Variants in MBD5 observed in about 807,000 individuals in gnomAD.
MBD5 encodes methyl-CpG binding domain protein 5.
A neutral mutation model predicts 117.3 loss-of-function variants in MBD5; 13 were observed. The observed-to-expected ratio is 0.11, with a 90% confidence interval of 0.07 to 0.18. MBD5 has a LOEUF of 0.18. Ranked by LOEUF, MBD5 falls within the 10% of genes least tolerant of loss-of-function variation. MBD5 has a pLI of 1.00. For synonymous variants in MBD5, 727 were observed against 766.4 expected (o/e 0.95, Z 0.85); for missense variants, 1,879 against 2,093.8 (o/e 0.90, Z 2.00).
chr2:148,436,176 G>A (rs1706152678), intron 4 of MBD5, among the ~76,000 whole-genome samples: 1 of 152,090 alleles, frequency 6.6e-6, no homozygotes, highest in Non-Finnish European at 1.5e-5. Context: ...GCCTGTTCTA[G>A]GAAGATTGAC....
At chr2:148,372,225 T>C (rs946229605) in intron 4 of MBD5, among the ~76,000 whole-genome samples, 1 of 152,156 alleles carries the variant, frequency 6.6e-6, no homozygotes, top group Non-Finnish European at 1.5e-5. Flanking sequence ...ACAGCAGTTT[T>C]AATAACATTA....
intron 2 of MBD5, among the ~76,000 whole-genome samples, chr2:148,206,106 A>G (rs1415701817): frequency 1.3e-5 from 2 of 151,926 alleles, no homozygotes; most frequent in Non-Finnish European, 2.9e-5. Context: ...TTGTGCAACA[A>G]GAGTGAGACC....
rs962275767 is a variant in MBD5, at chr2:148,260,689, C to T, written c.-680+27294C>T. Reference sequence around the variant, plus strand: ...GATGGGCACCACCAACCAGATGCTGCTCTACCCAGGTCAGAGATAATGAAT... The same window carrying T: ...GATGGGCACCACCAACCAGATGCTGTTCTACCCAGGTCAGAGATAATGAAT... On this transcript the variant is annotated intron_variant, in intron 3 of 13. Coordinates refer to ENST00000642680, the MANE Select transcript of MBD5 (RefSeq NM_001378120.1). 3 of 209,214 alleles carry T rather than the reference C, an allele frequency of 1.4e-5. No individual in the cohort carries two copies. The East Asian group carries it at 3.4e-4, about 23-fold the overall frequency. 13.0% of individuals were successfully genotyped at this position (209,214 alleles called of 1,614,324 possible). A position where few individuals can be genotyped will look rare whatever the true frequency, so the allele number is the denominator to read the frequency against.
chr2:148,217,608 C>T (rs1176668287), intron 2 of MBD5, among the ~76,000 whole-genome samples: 2 of 152,096 alleles, frequency 1.3e-5, no homozygotes. Context: ...TTGTTGTTGC[C>T]ATTTCATATG....
chr2:148,100,873 G>A (rs186469001), intron 1 of MBD5, among the ~76,000 whole-genome samples: 1 of 152,232 alleles, frequency 6.6e-6, no homozygotes, highest in East Asian at 1.9e-4. Flanking sequence ...CTCAATGGGA[G>A]GAGTGTCAGT....
intron 3 of MBD5, among the ~76,000 whole-genome samples, chr2:148,300,250 T>G (rs996505818): frequency 5.3e-5 from 8 of 152,136 alleles, no homozygotes; most frequent in African/African-American, 1.9e-4. Flanking sequence ...GAGACAGGGT[T>G]TCATCATGTT....
At chr2:148,116,810 T>C (rs1696651681) in intron 1 of MBD5, among the ~76,000 whole-genome samples, 2 of 152,224 alleles carry the variant, frequency 1.3e-5, no homozygotes, top group African/African-American at 4.8e-5. Flanking sequence ...GTATTCCTTA[T>C]TCATGTAGGT....
intron 1 of MBD5, among the ~76,000 whole-genome samples, chr2:148,133,449 A>G (rs1486486442): frequency 6.6e-6 from 1 of 152,244 alleles, no homozygotes; most frequent in East Asian, 1.9e-4. Context: ...TGCAAATTTG[A>G]AGCTTCTGCT....
At chr2:148,470,677 T>G in intron 8 of MBD5, 1 of 538,042 alleles carries the variant, frequency 1.9e-6, no homozygotes, top group Non-Finnish European at 3.2e-6. Context: ...TTTCCATTAT[T>G]TGTTGTCAAT....
chr2:148,023,758 TTTTG>T (rs1693828671), intron 1 of MBD5, among the ~76,000 whole-genome samples: 1 of 152,062 alleles, frequency 6.6e-6, no homozygotes, highest in Non-Finnish European at 1.5e-5. Context: ...TCTTTCCTTA[TTTTG>T]TTTCTTTTTT....
chr2:148,383,741 A>T (rs1704240019), intron 4 of MBD5, among the ~76,000 whole-genome samples: 2 of 152,196 alleles, frequency 1.3e-5, no homozygotes, highest in South Asian at 4.1e-4. Flanking sequence ...ATCCAGCAAC[A>T]CATCAAAAAG....
At chr2:148,425,496 A>G (rs1275560331) in intron 4 of MBD5, among the ~76,000 whole-genome samples, 1 of 152,228 alleles carries the variant, frequency 6.6e-6, no homozygotes, top group South Asian at 2.1e-4. Context: ...AAACTATTCC[A>G]AACAATAGAA....
chr2:148,154,086 CT>C (rs1375137779), intron 1 of MBD5, among the ~76,000 whole-genome samples: 10 of 20,592 alleles, frequency 4.9e-4, no homozygotes, highest in African/African-American at 8.5e-4. Flanking sequence ...TACTTTTGGT[CT>C]TTGATGATGG....
intron 2 of MBD5, among the ~76,000 whole-genome samples, chr2:148,195,032 A>G (rs1698942414): frequency 6.6e-6 from 1 of 152,194 alleles, no homozygotes; most frequent in East Asian, 1.9e-4. Flanking sequence ...CAACTACTCA[A>G]CTCTCTTATC....
rs529964141 is a variant in MBD5 at position 148,400,728 on chromosome 2, G to A, written c.-556-57475G>A. 2.6e-5 allele frequency among the ~76,000 whole-genome samples: 4 copies of A among 152,170 alleles called. No homozygotes were observed. In the South Asian group the frequency reaches 8.3e-4, roughly 32 times the overall value. ...TAGCCCTATTATTAACTATATTTTT[G>A]AGTAGACTTATCAAACTTGCAGTTA... On this transcript the variant is annotated intron_variant, in intron 4 of 13. Coordinates refer to ENST00000642680, the MANE Select transcript of MBD5 (RefSeq NM_001378120.1).
At chr2:148,167,179 G>T (rs1406917335) in intron 1 of MBD5, among the ~76,000 whole-genome samples, 1 of 152,110 alleles carries the variant, frequency 6.6e-6, no homozygotes, top group Non-Finnish European at 1.5e-5. Context: ...TACAGGAAAA[G>T]AATTTTTAGT....
intron 1 of MBD5, among the ~76,000 whole-genome samples, chr2:148,084,681 T>C (rs1304324345): frequency 6.6e-6 from 1 of 152,204 alleles, no homozygotes; most frequent in Non-Finnish European, 1.5e-5. Context: ...CTTTTCTTTT[T>C]TTAAAACTTT....
intron 1 of MBD5, among the ~76,000 whole-genome samples, chr2:148,175,441 C>G (rs1200730532): frequency 6.6e-6 from 1 of 151,992 alleles, no homozygotes; most frequent in Non-Finnish European, 1.5e-5. Flanking sequence ...ATCATAGAGA[C>G]CTTATTATAT....
intron 4 of MBD5, chr2:148,347,410 T>C (rs1703148771): frequency 6.6e-6 from 1 of 152,038 alleles, no homozygotes; most frequent in Admixed American, 6.6e-5. Flanking sequence ...AGATTATTGT[T>C]ATTTAATTTA....
Sources: gnomAD v4.1 joint callset for allele counts (sites outside exome capture counted in the v4.1 genomes callset) on GRCh38, gnomAD v4.1.1 for gene constraint, MANE v1.5 for transcripts, NCBI Gene and HGNC (gene_info 2026-07-23, HGNC 2026-07-21) for gene names.